Variants in RHBDD1 observed in about 807,000 individuals in gnomAD.
RHBDD1 encodes rhomboid domain containing 1, also known as rhomboid-related protein 4.
Under a neutral mutation model 36.3 loss-of-function variants are expected in RHBDD1, and 38 were observed. That is an observed-to-expected ratio of 1.05 (90% CI 0.81 to 1.37). The LOEUF is 1.37. RHBDD1 is among the 40% of genes most tolerant of loss of function. The pLI is 0.00. For synonymous variants in RHBDD1, 151 were observed against 136.5 expected, an observed-to-expected ratio of 1.11 and a Z score of -0.74; for missense variants, 393 against 377.6, an observed-to-expected ratio of 1.04 and a Z score of -0.34.
the RHBDD1 span, among the ~76,000 whole-genome samples, chr2:226,828,014 TTTAATAAATTTATAGTG>T: frequency 6.6e-6 from 1 of 152,220 alleles, no homozygotes; most frequent in African/African-American, 2.4e-5. Flanking sequence ...GTTTGTGATT[TTTAATAAATTTATAGTG>T]TTAATAAATT....
chr2:226,907,160 C>T (rs1441601720), intron 6 of RHBDD1: 10 of 500,420 alleles, frequency 2.0e-5, no homozygotes, highest in East Asian at 7.3e-5. Context: ...CAGAAAACCA[C>T]GATTTCCTAA....
chr2:226,937,395 G>A (rs915234557), intron 8 of RHBDD1, among the ~76,000 whole-genome samples: 2 of 151,970 alleles, frequency 1.3e-5, no homozygotes, highest in African/African-American at 4.8e-5. Context: ...ATAAAATTTT[G>A]TTCTTTTTTA....
At chr2:226,821,387 A>C in the RHBDD1 span, among the ~76,000 whole-genome samples, 1 of 152,082 alleles carries the variant, frequency 6.6e-6, no homozygotes, top group Non-Finnish European at 1.5e-5. Context: ...TAAAAAAACT[A>C]ATTTGTTCTT....
chr2:226,958,702 CTGTGTG>C (rs10666758), intron 8 of RHBDD1, among the ~76,000 whole-genome samples: 249 of 138,916 alleles, frequency 1.8e-3, no homozygotes, highest in Middle Eastern at 0.011. Flanking sequence ...AAGGATTTTT[CTGTGTG>C]TGTGTGTGTG....
intron 8 of RHBDD1, among the ~76,000 whole-genome samples, chr2:226,975,529 G>T (rs1954417226): frequency 6.6e-6 from 1 of 152,156 alleles, no homozygotes; most frequent in Non-Finnish European, 1.5e-5. Flanking sequence ...AGCCAGGCCA[G>T]TCCTACTCAG....
At chr2:226,892,289 G>A (rs1006215830) in intron 5 of RHBDD1, among the ~76,000 whole-genome samples, 8 of 152,194 alleles carry the variant, frequency 5.3e-5, no homozygotes, top group African/African-American at 1.9e-4. Flanking sequence ...GATGGGGCAT[G>A]TCTGTTTTTC....
chr2:226,995,768 A>G lies in RHBDD1; in HGVS notation c.*246A>G. 2.0e-6 allele frequency: 1 copy of G among 497,172 alleles called. No homozygotes were observed. The highest frequency in any genetic ancestry group is 3.5e-6 in the Non-Finnish European group (1 of 283,112). The allele number at this position is 497,172 out of a possible 1,614,324, so 30.8% of individuals were successfully genotyped here. ...AGGTCACTTCCTCCATGAAGAGACC[A>G]GTTTCCACGCTCCCATCTCTCACTG... On this transcript the variant is annotated 3_prime_UTR_variant, in exon 9 of 9. Coordinates refer to ENST00000392062, the MANE Select transcript of RHBDD1 (RefSeq NM_001167608.3).
At chr2:226,937,289 C>CTA (rs1575163243) in intron 8 of RHBDD1, among the ~76,000 whole-genome samples, 1 of 152,080 alleles carries the variant, frequency 6.6e-6, no homozygotes, top group African/African-American at 2.4e-5. Flanking sequence ...AGTTTTTATA[C>CTA]TATGTATCTG....
intron 2 of RHBDD1, 120 bp from the exon 3 acceptor site, chr2:226,839,289 A>G (rs1321587611): frequency 1.3e-5 from 2 of 152,220 alleles, no homozygotes; most frequent in Non-Finnish European, 2.9e-5. Context: ...ACGTACATGT[A>G]TATGTAAATG....
intron 8 of RHBDD1, among the ~76,000 whole-genome samples, chr2:226,966,174 T>C (rs1374758358): frequency 6.6e-6 from 1 of 152,128 alleles, no homozygotes; most frequent in African/African-American, 2.4e-5. Flanking sequence ...TTAACTACTC[T>C]CCTAAATAAA....
At chr2:226,942,405 A>G (rs916506712) in intron 8 of RHBDD1, 6 of 175,590 alleles carry the variant, frequency 3.4e-5, no homozygotes, top group African/African-American at 1.4e-4. Flanking sequence ...ACACCCGGCT[A>G]ATTTTTTGTA....
chr2:226,847,064 A>G (rs2125041103), intron 3 of RHBDD1, among the ~76,000 whole-genome samples: 2 of 152,326 alleles, frequency 1.3e-5, no homozygotes, highest in South Asian at 4.1e-4. Flanking sequence ...TAACTGATAG[A>G]TGTTTGAAAT....
intron 5 of RHBDD1, among the ~76,000 whole-genome samples, chr2:226,882,430 C>CAA (rs58149634): frequency 0.065 from 3,646 of 55,776 alleles, 162 homozygotes; most frequent in East Asian, 0.15. Flanking sequence ...GACTTTGCCT[C>CAA]AAAAAAAAAA....
At chr2:226,949,258 A>G (rs142488393) in intron 8 of RHBDD1, among the ~76,000 whole-genome samples, 3 of 152,254 alleles carry the variant, frequency 2.0e-5, no homozygotes, top group Admixed American at 6.5e-5. Context: ...CTTTCTTCAC[A>G]TAATTAGAAA....
intron 8 of RHBDD1, among the ~76,000 whole-genome samples, chr2:226,965,750 C>G (rs1272070403): frequency 1.3e-5 from 2 of 151,992 alleles, no homozygotes; most frequent in African/African-American, 4.8e-5. Context: ...TCCTGGAGCC[C>G]TGTTGACTTT....
intron 5 of RHBDD1, among the ~76,000 whole-genome samples, chr2:226,872,163 G>A (rs1944845749): frequency 6.6e-6 from 1 of 152,150 alleles, no homozygotes; most frequent in Admixed American, 6.5e-5. Context: ...TAGTTTTATG[G>A]ACTTCAAGCT....
intron 5 of RHBDD1, among the ~76,000 whole-genome samples, chr2:226,896,217 G>A (rs952084623): frequency 5.3e-5 from 8 of 152,042 alleles, no homozygotes; most frequent in African/African-American, 1.9e-4. Context: ...TGTCTCATAG[G>A]CCTCTCAAAG....
chr2:226,909,152 A>G (rs1402388544), intron 7 of RHBDD1, among the ~76,000 whole-genome samples: 1 of 152,114 alleles, frequency 6.6e-6, no homozygotes. Context: ...TAAGATTCAT[A>G]TTAGACCTTG....
intron 8 of RHBDD1, chr2:226,935,239 A>G (rs917698667): frequency 1.3e-5 from 2 of 152,158 alleles, no homozygotes; most frequent in African/African-American, 4.8e-5. Flanking sequence ...CCATATTAGA[A>G]AAAATATTTA....
Sources: allele counts gnomAD v4.1 joint callset (sites outside exome capture counted in the v4.1 genomes callset), GRCh38; gene constraint gnomAD v4.1.1; transcripts MANE v1.5; gene names NCBI Gene and HGNC (gene_info 2026-07-23, HGNC 2026-07-21).